The following ZNF366 variants were observed in gnomAD, a reference collection of about 807,000 sequenced individuals.
The protein encoded by ZNF366 is zinc finger protein 366, also known as dendritic cell-specific transcript protein.
In ZNF366, 20 loss-of-function variants were observed where a neutral mutation model predicts 47.2. That is an observed-to-expected ratio of 0.42 (90% CI 0.30 to 0.62). The LOEUF (loss-of-function observed/expected upper bound fraction) is 0.62, where lower values mean the gene tolerates loss of function less well. ZNF366 is among the 20% of genes least tolerant of loss of function. The probability of loss-of-function intolerance (pLI) is 0.16; values close to 1 mark genes in which losing one functional copy is unlikely to be tolerated. For synonymous variants in ZNF366, 421 were observed against 395.1 expected, an observed-to-expected ratio of 1.07 and a Z score of -0.78; for missense variants, 987 against 976.3, an observed-to-expected ratio of 1.01 and a Z score of -0.15.
At chr5:72,458,207 G>A (rs1056303545) in intron 2 of ZNF366, among the ~76,000 whole-genome samples, 1 of 151,620 alleles carries the variant, frequency 6.6e-6, no homozygotes, top group Non-Finnish European at 1.5e-5. Context: ...TAGTAGAGAC[G>A]GGGTTTCACC....
chr5:72,473,878 G>C (rs894224835), intron 1 of ZNF366, among the ~76,000 whole-genome samples: 5 of 152,308 alleles, frequency 3.3e-5, no homozygotes, highest in African/African-American at 1.2e-4. Context: ...TCACCATGAA[G>C]ATACTCAGTA....
intron 3 of ZNF366, among the ~76,000 whole-genome samples, chr5:72,453,283 A>G (rs1445998129): frequency 1.3e-5 from 2 of 152,218 alleles, no homozygotes; most frequent in Non-Finnish European, 2.9e-5. Flanking sequence ...GTTTTTGGGT[A>G]AAGGAGAGAG....
chr5:72,456,066 A>G (rs1205400309), intron 3 of ZNF366, among the ~76,000 whole-genome samples: 1 of 152,170 alleles, frequency 6.6e-6, no homozygotes, highest in Non-Finnish European at 1.5e-5. Flanking sequence ...TCTCCTCTCT[A>G]GAACAAAGGC....
intron 1 of ZNF366, among the ~76,000 whole-genome samples, chr5:72,495,784 T>C (rs1424891638): frequency 6.6e-6 from 1 of 152,146 alleles, no homozygotes; most frequent in South Asian, 2.1e-4. Context: ...CTCAGACATT[T>C]GCCCACTATA....
At chr5:72,467,715 G>A (rs1476162552) in intron 1 of ZNF366, among the ~76,000 whole-genome samples, 1 of 152,156 alleles carries the variant, frequency 6.6e-6, no homozygotes, top group Admixed American at 6.5e-5. Flanking sequence ...GAGAGAAAAT[G>A]AACTCTTTAT....
At chr5:72,470,768 C>T (rs754559204) in intron 1 of ZNF366, among the ~76,000 whole-genome samples, 1 of 152,206 alleles carries the variant, frequency 6.6e-6, no homozygotes, top group Non-Finnish European at 1.5e-5. Flanking sequence ...CCAAGCCAAC[C>T]TCGCGTAAAT....
intron 3 of ZNF366, among the ~76,000 whole-genome samples, chr5:72,452,087 C>A (rs1304899869): frequency 6.6e-6 from 1 of 152,214 alleles, no homozygotes; most frequent in Admixed American, 6.5e-5. Flanking sequence ...CTGGTGTGAG[C>A]TTTAAAAATG....
At chr5:72,487,390 A>C (rs1477196698) in intron 1 of ZNF366, among the ~76,000 whole-genome samples, 1 of 152,208 alleles carries the variant, frequency 6.6e-6, no homozygotes, top group Non-Finnish European at 1.5e-5. Flanking sequence ...TGTCTTTTTT[A>C]ATGAATCAGA....
intron 1 of ZNF366, among the ~76,000 whole-genome samples, chr5:72,484,295 TAA>T (rs1474249124): frequency 1.3e-5 from 2 of 151,356 alleles, no homozygotes; most frequent in Non-Finnish European, 2.9e-5. Context: ...CCATCCCGGC[TAA>T]AACGGTGAAA....
At chr5:72,479,496 CA>C (rs776462023) in intron 1 of ZNF366, among the ~76,000 whole-genome samples, 2 of 151,220 alleles carry the variant, frequency 1.3e-5, no homozygotes, top group Non-Finnish European at 1.5e-5. Flanking sequence ...AATGACAAAC[CA>C]AAAAAATTTT....
intron 1 of ZNF366, among the ~76,000 whole-genome samples, chr5:72,485,070 C>T (rs973083367): frequency 6.6e-6 from 1 of 152,094 alleles, no homozygotes; most frequent in African/African-American, 2.4e-5. Flanking sequence ...TAGAGGTACG[C>T]TGTACATGTA....
intron 1 of ZNF366, among the ~76,000 whole-genome samples, chr5:72,505,157 AATTCCCCCAATGAT>A (rs1744295382): frequency 6.6e-6 from 1 of 152,182 alleles, no homozygotes; most frequent in African/African-American, 2.4e-5. Context: ...TTCAAACTGG[AATTCCCCCAATGAT>A]ATCACAAAAG....
intron 1 of ZNF366, chr5:72,494,261 C>T (rs1246824564): frequency 1.3e-5 from 2 of 152,146 alleles, no homozygotes; most frequent in Admixed American, 1.3e-4. Context: ...CAGCCGAATC[C>T]TTTACTCTGT....
At position 72,456,509 on chromosome 5, in the gene ZNF366, G is replaced by A. The variant is rs376452690; in HGVS notation, c.1419C>T (p.Asn473=). 7.6e-5 allele frequency: 122 copies of A among 1,614,006 alleles called. No homozygotes were observed. The highest frequency in any genetic ancestry group is 1.0e-4 in the Non-Finnish European group (118 of 1,179,960). Residue 473 remains asparagine (N), a synonymous_variant, in exon 3 of 5, where the codon AAC becomes AAT. Transcript: ENST00000318442. ...AGAGGTGACACTGGTAGGCGCGGAT[G>A]TTGGTGTGGATCAGCACGTGTCGCT... ...NMKRHVLIHT[N]IRAYQCHLCY...
chr5:72,450,765 A>G lies in ZNF366; in HGVS notation c.1525-3348T>C, dbSNP rs79606116. The stretch of plus-strand genomic sequence containing the variant: ...CTTATCCAGAACACTTGGCCTTCTC[A>G]TCTTTCACAGAAGATTGTCCTCATC... On this transcript the variant is annotated intron_variant, in intron 3 of 4. Coordinates refer to ENST00000318442, the MANE Select transcript of ZNF366 (RefSeq NM_152625.3). Among the ~76,000 whole-genome samples, 671 of 152,250 alleles carry G rather than the reference A, an allele frequency of 4.4e-3. 3 individuals carry two copies. Among genetic ancestry groups the G allele is most frequent in the African/African-American group, 0.015 (638 of 41,552 alleles).
chr5:72,477,274 C>T (rs1232938994), intron 1 of ZNF366, among the ~76,000 whole-genome samples: 2 of 152,190 alleles, frequency 1.3e-5, no homozygotes, highest in Non-Finnish European at 2.9e-5. Flanking sequence ...CATTCAATTC[C>T]TTCTTTCCCA....
At position 72,440,362 on chromosome 5, in the gene ZNF366, T is replaced by C. The variant is rs968641027; in HGVS notation, c.*3394A>G. ...CAGAAAGAGGAATTGAAAGGTAACATGAGGAGTAATCATAGGAAAGAATAA... is the reference window on the plus strand; with the variant it reads ...CAGAAAGAGGAATTGAAAGGTAACACGAGGAGTAATCATAGGAAAGAATAA... On this transcript the variant is annotated 3_prime_UTR_variant, in exon 5 of 5. Coordinates refer to ENST00000318442, the MANE Select transcript of ZNF366 (RefSeq NM_152625.3). 3 of 152,028 alleles carry C rather than the reference T, an allele frequency of 2.0e-5. No homozygotes were observed. Among genetic ancestry groups the C allele is most frequent in the Non-Finnish European group, 2.9e-5 (2 of 68,006 alleles). 9.4% of individuals were successfully genotyped at this position (152,028 alleles called of 1,614,324 possible).
At chr5:72,474,960 A>C (rs889370234) in intron 1 of ZNF366, among the ~76,000 whole-genome samples, 4 of 152,176 alleles carry the variant, frequency 2.6e-5, no homozygotes, top group African/African-American at 9.7e-5. Context: ...GAAAGAAAGG[A>C]GGGGTAGCAT....
intron 2 of ZNF366, among the ~76,000 whole-genome samples, chr5:72,459,717 GT>G (rs1252670773): frequency 1.3e-5 from 2 of 152,176 alleles, no homozygotes; most frequent in Non-Finnish European, 2.9e-5. Flanking sequence ...AATCCAAAAA[GT>G]TTTCCACTGC....
Sources: allele counts gnomAD v4.1 joint callset (sites outside exome capture counted in the v4.1 genomes callset), GRCh38; gene constraint gnomAD v4.1.1; transcripts MANE v1.5; gene names NCBI Gene and HGNC (gene_info 2026-07-23, HGNC 2026-07-21).